Variants in CAPN15 observed in about 807,000 individuals in gnomAD.
The protein encoded by CAPN15 is calpain-15.
In CAPN15, 53 loss-of-function variants were observed where a neutral mutation model predicts 97.9. The observed-to-expected ratio is 0.54, with a 90% CI of 0.43 to 0.68. The LOEUF (loss-of-function observed/expected upper bound fraction) is 0.68, where lower values mean the gene tolerates loss of function less well. Among genes scored for constraint, CAPN15 ranks in the 30% least tolerant of loss-of-function variants. CAPN15 has a pLI of 0.00. For missense variants in CAPN15, 1,592 were observed against 1,589.8 expected (o/e 1.00, Z -0.02); for synonymous variants, 922 against 722.5 (o/e 1.28, Z -4.43).
chr16:548,446 A>G (rs1445158980), intron 4 of CAPN15, among the ~76,000 whole-genome samples, 159 bp downstream of exon 4: 1 of 152,152 alleles, frequency 6.6e-6, no homozygotes, highest in South Asian at 2.1e-4. Context: ...CAAGCTCCCA[A>G]TGGCCCTGGG....
At chr16:537,622 G>A (rs1458471843) in intron 3 of CAPN15, 8 of 192,812 alleles carry the variant, frequency 4.1e-5, no homozygotes, top group African/African-American at 1.4e-4. Flanking sequence ...GCCCTGACCC[G>A]CTCAGGGTTT....
rs1206896611 is a variant in CAPN15 at position 546,907 on chromosome 16, C to T, written c.69C>T (p.Cys23=). The T allele has an allele frequency of 1.2e-6, 2 of 1,611,478 alleles. No homozygotes were observed. Among genetic ancestry groups the T allele is most frequent in the African/African-American group, 1.3e-5 (1 of 75,064 alleles). The change falls in exon 4 of 14, where the codon TGC becomes TGT. Residue 23 remains cysteine (C), a synonymous_variant. Transcript: ENST00000219611. ...TFLNPAGQRQ[C]SICEAPRHKP... The stretch of plus-strand genomic sequence containing the variant: ...TGAACCCGGCCGGCCAGCGCCAGTG[C>T]TCCATCTGCGAGGCTCCCCGGCACA...
chr16:553,060 C>G lies in CAPN15; in HGVS notation c.3083+19C>G, dbSNP rs748409110. Reference sequence around the variant, plus strand: ...TGCACAGGTGCGCCCCCGCCCCTGCCCCCCCACCCCTGCACAGGTGCCCCC... The same window carrying G: ...TGCACAGGTGCGCCCCCGCCCCTGCGCCCCCACCCCTGCACAGGTGCCCCC... On this transcript the variant is annotated intron_variant, in intron 13 of 13. Transcript: ENST00000219611. 3 of 1,170,478 alleles carry G rather than the reference C, an allele frequency of 2.6e-6. No homozygotes were observed. Among genetic ancestry groups the G allele is most frequent in the Non-Finnish European group, 3.4e-6 (3 of 876,896 alleles). 72.5% of individuals were successfully genotyped at this position (1,170,478 alleles called of 1,614,324 possible). A position where few individuals can be genotyped will look rare whatever the true frequency, so the allele number is the denominator to read the frequency against.
intron 3 of CAPN15, chr16:537,217 T>C: frequency 2.0e-6 from 2 of 985,494 alleles, no homozygotes; most frequent in Non-Finnish European, 2.4e-6. Flanking sequence ...CCTGTCCAGA[T>C]GGGGCCCACA....
intron 3 of CAPN15, among the ~76,000 whole-genome samples, chr16:536,509 G>A (rs940826956): frequency 6.6e-6 from 1 of 151,528 alleles, no homozygotes. Flanking sequence ...TGCAACCTCC[G>A]CCTCCCGGAT....
chr16:551,224 G>C (rs1251390206), intron 7 of CAPN15, 78 bp from the exon 8 acceptor site: 1 of 1,331,090 alleles, frequency 7.5e-7, no homozygotes, highest in South Asian at 1.3e-5. Context: ...TGAGGGTCCC[G>C]GTCAGTGAGG....
chr16:538,144 C>A (rs896909154), intron 3 of CAPN15: 1 of 152,264 alleles, frequency 6.6e-6, no homozygotes, highest in Non-Finnish European at 1.5e-5. Flanking sequence ...GCGCGGCGCT[C>A]TCCGGCGTGG....
chr16:540,196 A>G, intron 3 of CAPN15: 2 of 985,340 alleles, frequency 2.0e-6, no homozygotes, highest in Non-Finnish European at 2.4e-6. Context: ...GGCCATGGGG[A>G]GCTCCGCCTC....
In CAPN15 at chr16:551,375, C is replaced by T. The variant is rs760559456; in HGVS notation, c.2140C>T (p.Arg714Cys). The change falls in exon 8 of 14, where the codon CGC becomes TGC. Residue 714 changes from arginine (R) to cysteine (C), a missense_variant. By Grantham distance (180) the Arg-to-Cys change is radical. This residue lies in a region of CAPN15 where 644 missense variants were observed against 699.6 expected (regional missense o/e 0.92). Coordinates refer to ENST00000219611, the MANE Select transcript of CAPN15 (RefSeq NM_005632.3). The part of the protein sequence containing the change: ...DDSAYESLGL[R>C]PRHAYSILDV... ...TTCGGCCTACGAGAGCCTGGGCCTG[C>T]GCCCCCGGCATGCCTACTCCATCCT... is the stretch of plus-strand genomic sequence containing the variant. 20 of 1,610,036 alleles carry T rather than the reference C, an allele frequency of 1.2e-5. No individual in the cohort carries two copies. The highest frequency in any genetic ancestry group is 3.3e-5 in the Admixed American group (2 of 59,914).
intron 2 of CAPN15, among the ~76,000 whole-genome samples, chr16:534,853 G>A (rs934540668): frequency 9.9e-5 from 15 of 152,212 alleles, no homozygotes; most frequent in African/African-American, 2.7e-4. Context: ...TGTTGGGGTC[G>A]CTGTGGTTCC....
At chr16:551,831 G>A (rs2035102428) in intron 9 of CAPN15, 167 bp downstream of exon 9, 1 of 1,024,446 alleles carries the variant, frequency 9.8e-7, no homozygotes, top group Non-Finnish European at 1.5e-6. Flanking sequence ...CAGAATTCAG[G>A]TCCACCCAGG....
chr16:528,856 T>G, intron 1 of CAPN15: 75 of 740,500 alleles, frequency 1.0e-4, no homozygotes, highest in East Asian at 1.3e-4. Flanking sequence ...CCCGGATCTC[T>G]TCCTCTGCCC....
At chr16:541,795 G>C (rs1199510565) in intron 3 of CAPN15, among the ~76,000 whole-genome samples, 1 of 152,274 alleles carries the variant, frequency 6.6e-6, no homozygotes, top group Non-Finnish European at 1.5e-5. Flanking sequence ...GACGGCCACT[G>C]ACCGGCTTCC....
At chr16:534,174 C>T (rs574652645) in intron 2 of CAPN15, among the ~76,000 whole-genome samples, 176 bp downstream of exon 2, 2 of 152,158 alleles carry the variant, frequency 1.3e-5, no homozygotes, top group African/African-American at 4.8e-5. Context: ...TTCTCCCAGC[C>T]GTTTGGGCCG....
intron 3 of CAPN15, chr16:539,965 C>A: frequency 5.3e-6 from 3 of 568,318 alleles, no homozygotes; most frequent in Non-Finnish European, 4.5e-6. Context: ...ACTGAGATGT[C>A]CCCTCAGCCT....
chr16:549,681 T>C lies in CAPN15; in HGVS notation c.1909T>C (p.Phe637Leu). The change falls in exon 7 of 14, where the codon TTT becomes CTT. Residue 637 changes from phenylalanine (F) to leucine (L), a missense_variant. Physicochemically the swap from Phe to Leu is conservative, Grantham distance 22. Coordinates refer to ENST00000219611, the MANE Select transcript of CAPN15 (RefSeq NM_005632.3). ...KALAKLHGSY[F>L]ALQAGRAIEG... ...GCTGGCCAAGCTGCACGGCTCCTAC[T>C]TTGCGCTCCAGGCGGGCCGCGCCAT... 6 of 1,564,968 alleles carry C rather than the reference T, an allele frequency of 3.8e-6. No individual in the cohort carries two copies. Among genetic ancestry groups the C allele is most frequent in the Non-Finnish European group, 5.2e-6 (6 of 1,158,484 alleles).
chr16:538,147 C>G (rs993883612), intron 3 of CAPN15: 1 of 152,264 alleles, frequency 6.6e-6, no homozygotes, highest in South Asian at 2.1e-4. Context: ...CGGCGCTCTC[C>G]GGCGTGGCCG....
chr16:537,356 A>AGGCC, intron 3 of CAPN15: 1 of 985,594 alleles, frequency 1.0e-6, no homozygotes, highest in Middle Eastern at 5.2e-4. Flanking sequence ...CCTTGGGCCT[A>AGGCC]AAGGCATCAG....
Position 552,130 on chromosome 16 carries a change from G to T in CAPN15, c.2425G>T (p.Ala809Ser). ...ARVQGCFPSSASAPVGVTALT... is the reference protein window; with the variant it reads ...ARVQGCFPSSSSAPVGVTALT... ...GGTGCAGGGCTGCTTTCCCAGCTCG[G>T]CCAGCGCGCCCGTGGGGGTAACAGC... is the stretch of plus-strand genomic sequence containing the variant. Residue 809 changes from alanine (A) to serine (S), a missense_variant, in exon 10 of 14, where the codon GCC becomes TCC. Ala to Ser is a moderately conservative substitution (Grantham distance 99). Around this residue, in one of 3 missense-constraint regions of CAPN15, gnomAD observed 644 missense variants for 699.6 expected, o/e 0.92. Coordinates refer to ENST00000219611, the MANE Select transcript of CAPN15 (RefSeq NM_005632.3). The surrounding 1 kb of genome is among the most constrained non-coding windows in gnomAD (Gnocchi z 6.4). 1.3e-6 allele frequency: 2 copies of T among 1,548,228 alleles called. No individual in the cohort carries two copies. Among genetic ancestry groups the T allele is most frequent in the Non-Finnish European group, 1.7e-6 (2 of 1,146,440 alleles).
Sources: allele counts gnomAD v4.1 joint callset (sites outside exome capture counted in the v4.1 genomes callset), GRCh38; gene constraint gnomAD v4.1.1; regional missense constraint gnomAD v4.1.1; non-coding constraint Gnocchi (gnomAD v3.1); transcripts MANE v1.5; gene names NCBI Gene and HGNC (gene_info 2026-07-23, HGNC 2026-07-21).